Variants in CCM2L observed in about 807,000 individuals in gnomAD.
CCM2L encodes the protein cerebral cavernous malformations 2 protein-like.
CCM2L carries 36 observed loss-of-function variants against 54.1 expected under a neutral mutation model. The ratio of observed to expected loss-of-function variants is 0.67; its 90% CI spans 0.51 to 0.88. The LOEUF (loss-of-function observed/expected upper bound fraction) is 0.88. Among genes scored for constraint, CCM2L ranks in the 40% least tolerant of loss-of-function variants. CCM2L has a pLI of 0.00. For synonymous variants in CCM2L, 351 were observed against 359.3 expected (o/e 0.98, Z 0.26); for missense variants, 700 against 812.1 (o/e 0.86, Z 1.68).
chr20:32,015,554 C>T (rs1391648452), intron 2 of CCM2L, among the ~76,000 whole-genome samples: 1 of 152,200 alleles, frequency 6.6e-6, no homozygotes, highest in Non-Finnish European at 1.5e-5. Context: ...ACAAGGATGG[C>T]ACCATTTCCA....
rs1341684343 is a variant in CCM2L, at chr20:32,029,068, A to AGCG, written c.1210_1212dup (p.Gly404dup). The stretch of plus-strand genomic sequence containing the variant: ...ACCTTCTTTCCATGGCTCCCACTGC[A>AGCG]GCGGCAGCGACCACAGCAGTCTGGG... On this transcript the variant is annotated inframe_insertion, in exon 8 of 10. Coordinates refer to ENST00000452892, the MANE Select transcript of CCM2L (RefSeq NM_001365692.1). 1 of 1,614,150 alleles carries AGCG rather than the reference A, an allele frequency of 6.2e-7. No individual in the cohort carries two copies. The highest frequency in any genetic ancestry group is 1.7e-5 in the Admixed American group (1 of 60,016).
At position 32,031,266 on chromosome 20, in the gene CCM2L, C is replaced by A. The variant is rs1296828220; in HGVS notation, c.1668C>A (p.Pro556=). 3 of 1,296,044 alleles carry A rather than the reference C, an allele frequency of 2.3e-6. No individual in the cohort carries two copies. The highest frequency in any genetic ancestry group is 3.0e-6 in the Non-Finnish European group (3 of 988,276). 80.3% of individuals were successfully genotyped at this position (1,296,044 alleles called of 1,614,324 possible). Residue 556 remains proline (P), a synonymous_variant, in exon 10 of 10, where the codon CCC becomes CCA. Coordinates refer to ENST00000452892, the MANE Select transcript of CCM2L (RefSeq NM_001365692.1). ...ACGACGACGACGACGAGGATGAGCC[C>A]CGGGGCTCCAGGGGCGGGAGCGACG... The part of the protein sequence containing the change: ...PDDDDDDEDE[P]RGSRGGSDAA...
intron 6 of CCM2L, among the ~76,000 whole-genome samples, chr20:32,024,305 G>A (rs1262725268): frequency 1.3e-5 from 2 of 152,210 alleles, no homozygotes; most frequent in Non-Finnish European, 2.9e-5. Flanking sequence ...CTTGTTGGGA[G>A]GCTGGGTTAG....
intron 6 of CCM2L, among the ~76,000 whole-genome samples, chr20:32,024,138 T>C (rs1325138997): frequency 2.6e-5 from 4 of 152,146 alleles, no homozygotes. Context: ...AATCCAGGTC[T>C]GTCTGATTCT....
At chr20:32,023,877 T>C (rs552044810) in intron 6 of CCM2L, among the ~76,000 whole-genome samples, 1 of 152,252 alleles carries the variant, frequency 6.6e-6, no homozygotes, top group South Asian at 2.1e-4. Flanking sequence ...ACTACAGGCA[T>C]GCGCCACTAC....
In CCM2L at chr20:32,029,717, G is replaced by T; in HGVS notation, c.1281G>T (p.Gly427=). The change falls in exon 9 of 10, where the codon GGG becomes GGT. Residue 427 remains glycine, a synonymous_variant. Transcript: ENST00000452892. ...DYMVTLRSKL[G]PLEIQQFAML... ...CCACATAGTTGCGGAGTAAGCTGGGGCCCCTCGAGATCCAGCAGTTTGCGA... is the reference window on the plus strand; with the variant it reads ...CCACATAGTTGCGGAGTAAGCTGGGTCCCCTCGAGATCCAGCAGTTTGCGA... 2 of 1,611,738 alleles carry T rather than the reference G, an allele frequency of 1.2e-6. No individual in the cohort carries two copies. Among genetic ancestry groups the T allele is most frequent in the Non-Finnish European group, 1.7e-6 (2 of 1,178,786 alleles).
At chr20:32,021,274 A>G (rs1188373354) in intron 5 of CCM2L, among the ~76,000 whole-genome samples, 1 of 152,196 alleles carries the variant, frequency 6.6e-6, no homozygotes, top group Non-Finnish European at 1.5e-5. Context: ...GTGGCTGGAA[A>G]TAGGATTCCA....
chr20:32,019,306 G>A lies in CCM2L; in HGVS notation c.830G>A (p.Gly277Glu), dbSNP rs2064778645. 4 of 1,301,720 alleles carry A rather than the reference G, an allele frequency of 3.1e-6. No homozygotes were observed. The highest frequency in any genetic ancestry group is 3.9e-6 in the Non-Finnish European group (4 of 1,025,772). The allele number at this position is 1,301,720 out of a possible 1,614,324, so 80.6% of individuals were successfully genotyped here. The change falls in exon 5 of 10, where the codon GGA (glycine) becomes GAA (glutamate). Residue 277 changes from glycine to glutamate, a missense_variant. Coordinates refer to ENST00000452892, the MANE Select transcript of CCM2L (RefSeq NM_001365692.1). Reference protein sequence around the residue: ...WERRQAGSGGGGSWERRHPGP... With the variant: ...WERRQAGSGGEGSWERRHPGP... ...CGGAGGCAGGCGGGCAGCGGCGGGG[G>A]AGGCAGCTGGGAGCGGCGCCACCCC...
intron 6 of CCM2L, 132 bp from the exon 7 acceptor site, chr20:32,025,724 A>G (rs2064853235): frequency 6.0e-6 from 3 of 500,908 alleles, no homozygotes; most frequent in South Asian, 3.5e-5. Context: ...GGAGTTCCCC[A>G]GGGTCTGTTG....
intron 5 of CCM2L, among the ~76,000 whole-genome samples, chr20:32,019,679 C>T (rs948173107): frequency 6.6e-5 from 10 of 152,144 alleles, no homozygotes; most frequent in African/African-American, 2.4e-4. Flanking sequence ...TCAGTGTTGG[C>T]CCCACCACAG....
chr20:32,019,454 G>T, intron 5 of CCM2L, 45 bp downstream of exon 5: 1 of 1,377,452 alleles, frequency 7.3e-7, no homozygotes. Context: ...CTTCGGGAAC[G>T]CTGCTTCCCC....
intron 7 of CCM2L, among the ~76,000 whole-genome samples, chr20:32,026,773 G>A (rs1600683540): frequency 1.3e-5 from 2 of 152,034 alleles, no homozygotes; most frequent in African/African-American, 4.8e-5. Context: ...CTACTTGGGA[G>A]GCTGAGGCAG....
At chr20:32,029,170 G>A (rs1399357920) in intron 8 of CCM2L, 46 bp downstream of exon 8, 7 of 1,612,544 alleles carry the variant, frequency 4.3e-6, no homozygotes, top group Non-Finnish European at 5.9e-6. Context: ...AAAGCCTGGA[G>A]GCTGGAGTAA....
At chr20:32,020,205 C>G (rs1409734475) in intron 5 of CCM2L, among the ~76,000 whole-genome samples, 3 of 152,192 alleles carry the variant, frequency 2.0e-5, no homozygotes. Context: ...CTTGGACCAC[C>G]AGATCCCTCC....
At chr20:32,030,032 CTG>C (rs1315763861) in intron 9 of CCM2L, among the ~76,000 whole-genome samples, 194 bp downstream of exon 9, 1 of 152,108 alleles carries the variant, frequency 6.6e-6, no homozygotes, top group East Asian at 1.9e-4. Context: ...CTGGGAGACA[CTG>C]TTGATAAGAA....
chr20:32,022,493 T>C (rs1382896504), intron 5 of CCM2L, among the ~76,000 whole-genome samples, 167 bp from the exon 6 acceptor site: 1 of 152,206 alleles, frequency 6.6e-6, no homozygotes, highest in Non-Finnish European at 1.5e-5. Flanking sequence ...GGTTCTAAGA[T>C]CCAGAGAGTA....
chr20:32,020,645 C>T (rs765199453), intron 5 of CCM2L, among the ~76,000 whole-genome samples: 5 of 152,192 alleles, frequency 3.3e-5, no homozygotes, highest in Admixed American at 6.5e-5. Context: ...CTGGCTCTCA[C>T]GCTCTCTCTT....
Position 32,014,998 on chromosome 20 carries a change from TG to T in CCM2L, c.126del (p.Met42IlefsTer33), listed in dbSNP as rs2064729079. 6.3e-7 allele frequency: 1 copy of T among 1,580,926 alleles called. No homozygotes were observed. The highest frequency in any genetic ancestry group is 1.4e-5 in the African/African-American group (1 of 72,206). On this transcript the variant is annotated frameshift_variant, in exon 2 of 10. Coordinates refer to ENST00000452892, the MANE Select transcript of CCM2L (RefSeq NM_001365692.1). LOFTEE classifies it high-confidence loss of function. ...SSVSRRPLHS[M>X]PLYPPDYLID... is the part of the protein sequence containing the mutation. Reference sequence around the variant, plus strand: ...GTGAGCCGCCGGCCCCTGCACTCGATGCCCCTTTATCCCCCCGACTACCTCA... The same window carrying T: ...GTGAGCCGCCGGCCCCTGCACTCGATCCCCTTTATCCCCCCGACTACCTCA...
intron 5 of CCM2L, among the ~76,000 whole-genome samples, chr20:32,021,327 G>A (rs1028477071): frequency 1.3e-5 from 2 of 152,116 alleles, no homozygotes; most frequent in Admixed American, 6.5e-5. Flanking sequence ...AGGGCTTTGC[G>A]GTACTGAACC....
Sources: allele counts gnomAD v4.1 joint callset (sites outside exome capture counted in the v4.1 genomes callset), GRCh38; gene constraint gnomAD v4.1.1; transcripts MANE v1.5; gene names NCBI Gene and HGNC (gene_info 2026-07-23, HGNC 2026-07-21).